Variants in PCDHA9 observed in about 807,000 individuals in gnomAD.
PCDHA9 encodes the protein protocadherin alpha-9.
Under a neutral mutation model 62.0 loss-of-function variants are expected in PCDHA9, and 62 were observed. That is an observed-to-expected ratio of 1.00 (90% CI 0.81 to 1.23). The LOEUF (loss-of-function observed/expected upper bound fraction) is 1.23. Ranked by LOEUF, PCDHA9 falls within the 50% of genes most tolerant of loss-of-function variation. The probability of loss-of-function intolerance (pLI) is 0.00; values close to 1 mark genes in which losing one functional copy is unlikely to be tolerated. For missense variants in PCDHA9, 1,205 were observed against 1,249.8 expected (o/e 0.96, Z 0.54); for synonymous variants, 557 against 567.6 (o/e 0.98, Z 0.27).
intron 1 of PCDHA9, among the ~76,000 whole-genome samples, chr5:140,905,939 T>A (rs1583575409): frequency 6.6e-6 from 1 of 152,288 alleles, no homozygotes; most frequent in African/African-American, 2.4e-5. Context: ...GCTGAAGAAC[T>A]TGGAATCCGA....
chr5:140,920,559 C>T (rs2153557837), intron 1 of PCDHA9, among the ~76,000 whole-genome samples: 2 of 152,226 alleles, frequency 1.3e-5, no homozygotes, highest in South Asian at 4.1e-4. Context: ...GAAGTGTGGC[C>T]CTTAGGCCAG....
At chr5:140,877,346 G>GGCT (rs1217124440) in intron 1 of PCDHA9, 1 of 1,613,888 alleles carries the variant, frequency 6.2e-7, no homozygotes, top group Non-Finnish European at 8.5e-7. Flanking sequence ...TTCCACGTGG[G>GGCT]GCTGTACACT....
chr5:140,850,831 G>T lies in PCDHA9; in HGVS notation c.2336G>T (p.Cys779Phe). 7 of 1,598,198 alleles carry T rather than the reference G, an allele frequency of 4.4e-6. No individual in the cohort carries two copies. The highest frequency in any genetic ancestry group is 6.0e-6 in the Non-Finnish European group (7 of 1,167,560). ...LMAFSPGLSP[C>F]AGSTERTGEP... Reference sequence around the variant, plus strand: ...GCCTTCAGCCCGGGCCTTTCTCCTTGTGCTGGATCTACAGAGCGAACGGGA... The same window carrying T: ...GCCTTCAGCCCGGGCCTTTCTCCTTTTGCTGGATCTACAGAGCGAACGGGA... Residue 779 changes from cysteine to phenylalanine, a missense_variant, in exon 1 of 4, where the codon TGT (cysteine) becomes TTT (phenylalanine). By Grantham distance (205) the Cys-to-Phe change is radical. Coordinates refer to ENST00000532602, the MANE Select transcript of PCDHA9 (RefSeq NM_031857.2).
rs73793505 is a variant in PCDHA9, at chr5:140,858,470, T to C, written c.2394+7581T>C. The C allele has an allele frequency of 3.2e-3, 4,807 of 1,519,778 alleles. 358 individuals are homozygous for C. In the African/African-American group the frequency reaches 0.058, roughly 18 times the overall value. 94.1% of individuals were successfully genotyped at this position (1,519,778 alleles called of 1,614,324 possible). A position where few individuals can be genotyped will look rare whatever the true frequency, so the allele number is the denominator to read the frequency against. On this transcript the variant is annotated intron_variant, in intron 1 of 3. Transcript: ENST00000532602. ...TTACGTTTTCATTTTCCTTTTGTGC[T>C]TTATGAATAATATTTTCTCTTACCG...
At chr5:140,928,817 G>A (rs868908592) in intron 1 of PCDHA9, 1 of 1,614,118 alleles carries the variant, frequency 6.2e-7, no homozygotes, top group Non-Finnish European at 8.5e-7. Flanking sequence ...CGGGACCATG[G>A]AGACCCACCA....
At chr5:140,914,944 CTTTT>C (rs35695909) in intron 1 of PCDHA9, among the ~76,000 whole-genome samples, 298 of 128,244 alleles carry the variant, frequency 2.3e-3, no homozygotes, top group African/African-American at 8.2e-3. Flanking sequence ...GAAAAGTTGT[CTTTT>C]TTTTTTTTTT....
chr5:140,923,155 A>G (rs1316496589), intron 1 of PCDHA9, among the ~76,000 whole-genome samples: 4 of 152,236 alleles, frequency 2.6e-5, no homozygotes, highest in Non-Finnish European at 5.9e-5. Context: ...AAAAAATTAT[A>G]GAAAGATAAA....
At chr5:140,919,262 G>A (rs1482345606) in intron 1 of PCDHA9, among the ~76,000 whole-genome samples, 2 of 152,142 alleles carry the variant, frequency 1.3e-5, no homozygotes, top group African/African-American at 4.8e-5. Context: ...TCTGATATTA[G>A]TGTAGTCACT....
At chr5:140,865,904 T>A (rs1554159710) in intron 1 of PCDHA9, 1 of 152,148 alleles carries the variant, frequency 6.6e-6, no homozygotes. Context: ...TACAGGCAAA[T>A]CTTTCTTTCT....
intron 1 of PCDHA9, chr5:140,927,256 CCT>C (rs2084020732): frequency 1.2e-6 from 2 of 1,614,144 alleles, no homozygotes; most frequent in Non-Finnish European, 1.7e-6. Flanking sequence ...TGACAACTCA[CCT>C]CTCTTTCCTG....
chr5:140,978,810 G>C, intron 1 of PCDHA9, 139 bp from the exon 2 acceptor site: 2 of 1,500,034 alleles, frequency 1.3e-6, no homozygotes, highest in Non-Finnish European at 1.8e-6. Flanking sequence ...TATCATCATA[G>C]AGTTACACAT....
At chr5:140,909,505 G>A (rs2074548695) in intron 1 of PCDHA9, among the ~76,000 whole-genome samples, 1 of 152,168 alleles carries the variant, frequency 6.6e-6, no homozygotes. Flanking sequence ...GGATGTGGTG[G>A]GAATCACAAC....
chr5:140,871,695 T>C (rs1250599377), intron 1 of PCDHA9: 7 of 974,792 alleles, frequency 7.2e-6, no homozygotes, highest in Non-Finnish European at 8.8e-6. Flanking sequence ...CTGGCTTCTT[T>C]AACCAATAAA....
intron 3 of PCDHA9, among the ~76,000 whole-genome samples, chr5:140,986,934 C>T (rs1379562819): frequency 6.6e-6 from 1 of 152,160 alleles, no homozygotes; most frequent in East Asian, 1.9e-4. Flanking sequence ...AGGATGGAGG[C>T]TGGGTGTGGT....
chr5:140,966,998 C>G, intron 1 of PCDHA9: 1 of 1,604,774 alleles, frequency 6.2e-7, no homozygotes. Context: ...GGGTTGCTTG[C>G]GCATCAACCA....
At chr5:140,870,239 G>A (rs781847723) in intron 1 of PCDHA9, 2 of 1,614,134 alleles carry the variant, frequency 1.2e-6, no homozygotes, top group South Asian at 1.1e-5. Flanking sequence ...CGTGACTCAG[G>A]TGTCAACGGA....
chr5:140,926,569 A>T (rs1245214494), intron 1 of PCDHA9: 1 of 261,750 alleles, frequency 3.8e-6, no homozygotes, highest in Admixed American at 5.3e-5. Context: ...CTGCTACTGG[A>T]GACAGCACCT....
chr5:140,943,493 T>C (rs2093505211), intron 1 of PCDHA9, among the ~76,000 whole-genome samples: 1 of 152,118 alleles, frequency 6.6e-6, no homozygotes, highest in Non-Finnish European at 1.5e-5. Context: ...AAATAGATGC[T>C]ATCAAGGTTC....
intron 1 of PCDHA9, among the ~76,000 whole-genome samples, chr5:140,897,646 C>T (rs1336141431): frequency 1.3e-5 from 2 of 152,128 alleles, no homozygotes; most frequent in African/African-American, 4.8e-5. Flanking sequence ...CCACAATAAA[C>T]ATACGTGTGC....
Sources: allele counts gnomAD v4.1 joint callset (sites outside exome capture counted in the v4.1 genomes callset), GRCh38; gene constraint gnomAD v4.1.1; transcripts MANE v1.5; gene names NCBI Gene and HGNC (gene_info 2026-07-23, HGNC 2026-07-21).